ZNF362: variants seen among roughly 807,000 people sequenced by gnomAD.
ZNF362 encodes the protein rotund homolog.
A neutral mutation model predicts 42.9 loss-of-function variants in ZNF362; 11 were observed. The ratio of observed to expected loss-of-function variants is 0.26; its 90% CI spans 0.16 to 0.42. The LOEUF (loss-of-function observed/expected upper bound fraction) is 0.42. Among genes scored for constraint, ZNF362 ranks in the 20% least tolerant of loss-of-function variants. The pLI is 1.00. For synonymous variants in ZNF362, 255 were observed against 257.3 expected (o/e 0.99, Z 0.09); for missense variants, 362 against 576.2 (o/e 0.63, Z 3.81).
chr1:33,227,944 A>G, the ZNF362 span, among the ~76,000 whole-genome samples: 1 of 152,084 alleles, frequency 6.6e-6, no homozygotes, highest in Non-Finnish European at 1.5e-5. Flanking sequence ...ATTCCTGTTA[A>G]TCCCTAGAAC....
intron 1 of ZNF362, among the ~76,000 whole-genome samples, chr1:33,265,528 G>A (rs1368930769): frequency 6.6e-6 from 1 of 152,138 alleles, no homozygotes; most frequent in East Asian, 1.9e-4. Flanking sequence ...GTTCCCAGGA[G>A]TGTGTTTCTG....
chr1:33,299,567 G>T lies in ZNF362; in HGVS notation c.*521G>T. The stretch of plus-strand genomic sequence containing the variant: ...AGGGGACCCCCAGGTGGGAGGGGCA[G>T]GAAGCAGCCGGAGTGAGCCCTTCGC... On this transcript the variant is annotated 3_prime_UTR_variant, in exon 9 of 9. Coordinates refer to ENST00000539719, the MANE Select transcript of ZNF362 (RefSeq NM_152493.3). The T allele has an allele frequency of 6.4e-6, 1 of 155,328 alleles. No homozygotes were observed. The allele number at this position is 155,328 out of a possible 1,614,324, so 9.6% of individuals were successfully genotyped here. A position where few individuals can be genotyped will look rare whatever the true frequency, so the allele number is the denominator to read the frequency against.
chr1:33,294,891 G>C lies in ZNF362; in HGVS notation c.909-46G>C. On this transcript the variant is annotated intron_variant, in intron 6 of 8. Transcript: ENST00000539719. The surrounding 1 kb of genome is among the most constrained non-coding windows in gnomAD (Gnocchi z 4.2). ...AGGACTTGGGAACTGGAGCGGTCTT[G>C]GGGTGTGTGTCAGGGACTTCGACCT... 1 of 1,607,628 alleles carries C rather than the reference G, an allele frequency of 6.2e-7. No individual in the cohort carries two copies. Among genetic ancestry groups the C allele is most frequent in the Non-Finnish European group, 8.5e-7 (1 of 1,174,332 alleles).
At chr1:33,291,428 C>A (rs920819346) in intron 6 of ZNF362, among the ~76,000 whole-genome samples, 2 of 152,180 alleles carry the variant, frequency 1.3e-5, no homozygotes, top group African/African-American at 4.8e-5. Context: ...GTCTATATCT[C>A]TGTTTTGGTA....
At chr1:33,269,760 G>A (rs4077439) in intron 1 of ZNF362, among the ~76,000 whole-genome samples, 115,677 of 152,148 alleles carry the variant, frequency 0.76, 43,997 homozygotes, top group Admixed American at 0.78. Flanking sequence ...GGGGATGGCC[G>A]TAAGTTGCTT....
chr1:33,129,218 AAGAC>A, the ZNF362 span, among the ~76,000 whole-genome samples: 12 of 152,188 alleles, frequency 7.9e-5, no homozygotes, highest in Admixed American at 5.2e-4. This position sits in a 1 kb window ranked among gnomAD's most constrained non-coding sequence, Gnocchi z 4.1. Context: ...CTTATCAACT[AAGAC>A]AGACCCTAAG....
chr1:33,128,558 T>G, the ZNF362 span, among the ~76,000 whole-genome samples: 1 of 152,234 alleles, frequency 6.6e-6, no homozygotes, highest in Non-Finnish European at 1.5e-5. Flanking sequence ...CTGCCTAATC[T>G]GAATCTCAAT....
the ZNF362 span, chr1:33,147,240 A>G: frequency 6.2e-7 from 1 of 1,614,056 alleles, no homozygotes; most frequent in Non-Finnish European, 8.5e-7. The surrounding 1 kb of genome is among the most constrained non-coding windows in gnomAD (Gnocchi z 8.1). Context: ...GGCTCTGGCC[A>G]GGGCTGAAGT....
the ZNF362 span, among the ~76,000 whole-genome samples, chr1:33,228,764 C>T: frequency 6.6e-6 from 1 of 152,176 alleles, no homozygotes; most frequent in African/African-American, 2.4e-5. Flanking sequence ...CTGCTTCCAA[C>T]TTTGCCTTGT....
chr1:33,285,058 A>G (rs973748852), intron 6 of ZNF362, among the ~76,000 whole-genome samples: 3 of 152,244 alleles, frequency 2.0e-5, no homozygotes, highest in Admixed American at 1.3e-4. Flanking sequence ...ATAATCAACA[A>G]TATCACAATG....
chr1:33,192,234 A>G, the ZNF362 span, among the ~76,000 whole-genome samples: 1 of 152,220 alleles, frequency 6.6e-6, no homozygotes, highest in Non-Finnish European at 1.5e-5. Context: ...TTCTTTAACT[A>G]CCATTGCCTC....
the ZNF362 span, among the ~76,000 whole-genome samples, chr1:33,157,774 C>T: frequency 1.3e-5 from 2 of 150,926 alleles, no homozygotes; most frequent in South Asian, 4.2e-4. Context: ...CCTTTTTTTC[C>T]GAGATGGAGT....
upstream of ZNF362, among the ~76,000 whole-genome samples, chr1:33,251,645 AGT>A (rs761210732): frequency 6.0e-4 from 91 of 152,272 alleles, no homozygotes; most frequent in South Asian, 6.2e-4. Flanking sequence ...TCTAGCCCTG[AGT>A]GTCACTTCAC....
At chr1:33,224,881 CAA>C in the ZNF362 span, among the ~76,000 whole-genome samples, 1 of 151,990 alleles carries the variant, frequency 6.6e-6, no homozygotes, top group Admixed American at 6.6e-5. Flanking sequence ...AAGCCAAAGA[CAA>C]AGAGAAAAAT....
the ZNF362 span, among the ~76,000 whole-genome samples, chr1:33,233,970 G>A: frequency 1.3e-5 from 2 of 152,302 alleles, no homozygotes; most frequent in East Asian, 3.9e-4. Flanking sequence ...ATGAGTTTCT[G>A]CATGTAAACA....
At chr1:33,276,205 G>T (rs763243595) in intron 3 of ZNF362, 42 bp downstream of exon 3, 1 of 1,608,474 alleles carries the variant, frequency 6.2e-7, no homozygotes, top group East Asian at 2.2e-5. Context: ...ACCCTCCTTG[G>T]CGCTGCTTCG....
intron 6 of ZNF362, among the ~76,000 whole-genome samples, chr1:33,285,633 G>A (rs1646026879): frequency 6.6e-6 from 1 of 152,146 alleles, no homozygotes; most frequent in African/African-American, 2.4e-5. Context: ...CATATTATAT[G>A]TTATACATAT....
At chr1:33,190,814 G>A in the ZNF362 span, among the ~76,000 whole-genome samples, 3,200 of 152,288 alleles carry the variant, frequency 0.021, 49 homozygotes, top group Non-Finnish European at 0.032. Flanking sequence ...GGGCAGGAGG[G>A]AATTGATGTC....
chr1:33,265,199 A>G (rs1645856974), intron 1 of ZNF362, among the ~76,000 whole-genome samples: 1 of 151,702 alleles, frequency 6.6e-6, no homozygotes, highest in African/African-American at 2.4e-5. Context: ...TTCTCTCAGA[A>G]CTGAGAGAGT....
Sources: gnomAD v4.1 joint callset for allele counts (sites outside exome capture counted in the v4.1 genomes callset) on GRCh38, gnomAD v4.1.1 for gene constraint, Gnocchi (gnomAD v3.1) non-coding constraint, MANE v1.5 for transcripts, NCBI Gene and HGNC (gene_info 2026-07-23, HGNC 2026-07-21) for gene names.